DIP2B: variants seen among roughly 807,000 people sequenced by gnomAD.
The protein encoded by DIP2B is DIP2 acetate--CoA ligase B (putative).
Under a neutral mutation model 198.0 loss-of-function variants are expected in DIP2B, and 76 were observed. The observed-to-expected ratio is 0.38, with a 90% CI of 0.32 to 0.46. DIP2B has a LOEUF of 0.46. Ranked by LOEUF, DIP2B falls within the 20% of genes least tolerant of loss-of-function variation. The pLI, the probability that DIP2B is intolerant of heterozygous loss-of-function variation, is 0.99. For missense variants in DIP2B, 1,559 were observed against 1,978.4 expected, an observed-to-expected ratio of 0.79 and a Z score of 4.02; for synonymous variants, 701 against 739.1, an observed-to-expected ratio of 0.95 and a Z score of 0.84.
At chr12:50,552,088 A>G (rs1218147850) in intron 1 of DIP2B, among the ~76,000 whole-genome samples, 2 of 152,150 alleles carry the variant, frequency 1.3e-5, no homozygotes, top group Non-Finnish European at 2.9e-5. Context: ...GTTTTTTAAA[A>G]TAGATATCCT....
intron 1 of DIP2B, among the ~76,000 whole-genome samples, chr12:50,621,938 G>GGT (rs1937822755): frequency 6.6e-6 from 1 of 152,182 alleles, no homozygotes. Flanking sequence ...CAAAACCTGA[G>GGT]GTGGTTAGTA....
intron 1 of DIP2B, among the ~76,000 whole-genome samples, chr12:50,556,362 A>T (rs1430035275): frequency 6.6e-6 from 1 of 152,154 alleles, no homozygotes; most frequent in Non-Finnish European, 1.5e-5. Context: ...GGCGTAAGCC[A>T]TCGAGCCCGG....
rs1940243967 is a variant in DIP2B, at chr12:50,741,513, C to G, written c.4452C>G (p.Ser1484=). 1 of 1,613,912 alleles carries G rather than the reference C, an allele frequency of 6.2e-7. No individual in the cohort carries two copies. Among genetic ancestry groups the G allele is most frequent in the South Asian group, 1.1e-5 (1 of 91,066 alleles). ...YHPIDIETSV[S]RIHRSIAECA... ...CAATTGATATTGAGACCTCGGTGTC[C>G]CGGATCCACAGAAGCATTGCTGAAT... Residue 1484 remains serine (S), a synonymous_variant, in exon 37 of 38, where the codon TCC becomes TCG. Coordinates refer to ENST00000301180, the MANE Select transcript of DIP2B (RefSeq NM_173602.3).
chr12:50,614,649 C>CGTAT (rs796602852), intron 1 of DIP2B, among the ~76,000 whole-genome samples: 121 of 152,264 alleles, frequency 7.9e-4, no homozygotes, highest in African/African-American at 2.7e-3. Flanking sequence ...GGCCCAGAGA[C>CGTAT]GTATAGTGGC....
chr12:50,624,773 CCTT>C (rs1219515801), intron 1 of DIP2B, among the ~76,000 whole-genome samples: 1 of 152,194 alleles, frequency 6.6e-6, no homozygotes, highest in Non-Finnish European at 1.5e-5. Context: ...AACATCTACT[CCTT>C]CTGGCTTTTA....
At chr12:50,717,845 C>CCT (rs1282736188) in intron 23 of DIP2B, among the ~76,000 whole-genome samples, 1 of 151,766 alleles carries the variant, frequency 6.6e-6, no homozygotes, top group Non-Finnish European at 1.5e-5. Context: ...GCCTCGGCCT[C>CCT]CTAAAGTGCT....
chr12:50,562,900 C>G (rs1958531783), intron 1 of DIP2B, among the ~76,000 whole-genome samples: 1 of 151,950 alleles, frequency 6.6e-6, no homozygotes, highest in African/African-American at 2.4e-5. Flanking sequence ...TGTGTCAGTG[C>G]CAAAAGAATA....
At chr12:50,505,339 G>A (rs1159992790) in intron 1 of DIP2B, 99 bp downstream of exon 1, 3 of 959,102 alleles carry the variant, frequency 3.1e-6, no homozygotes, top group East Asian at 6.1e-5. Flanking sequence ...GTGCGGCGAG[G>A]GGGACGAGGG....
At chr12:50,679,142 G>A (rs1297719473) in intron 8 of DIP2B, 1 of 405,626 alleles carries the variant, frequency 2.5e-6, no homozygotes, top group Non-Finnish European at 4.4e-6. Flanking sequence ...ATTACAAGAG[G>A]ATTTTAGAAA....
At chr12:50,589,174 ACT>A (rs1371389478) in intron 1 of DIP2B, among the ~76,000 whole-genome samples, 1 of 151,616 alleles carries the variant, frequency 6.6e-6, no homozygotes, top group Non-Finnish European at 1.5e-5. Flanking sequence ...ACAGGGCAAG[ACT>A]CTGTCTCAAA....
chr12:50,695,462 T>A, intron 15 of DIP2B, 102 bp downstream of exon 15: 1 of 1,077,194 alleles, frequency 9.3e-7, no homozygotes, highest in Non-Finnish European at 1.4e-6. Context: ...CCCTGTCCCT[T>A]AACAAATTGT....
At chr12:50,680,318 G>A (rs948927065) in intron 8 of DIP2B, 19 of 151,282 alleles carry the variant, frequency 1.3e-4, no homozygotes, top group Middle Eastern at 3.1e-3. Flanking sequence ...TTTCAGTCTT[G>A]TAATTAAAAA....
chr12:50,580,566 C>T (rs1322676160), intron 1 of DIP2B, among the ~76,000 whole-genome samples: 1 of 123,944 alleles, frequency 8.1e-6, no homozygotes, highest in Non-Finnish European at 1.6e-5. Context: ...GACTGTGTCT[C>T]ACTCTGTTGC....
intron 1 of DIP2B, among the ~76,000 whole-genome samples, chr12:50,579,321 C>G (rs1266449261): frequency 6.6e-6 from 1 of 151,672 alleles, no homozygotes; most frequent in Non-Finnish European, 1.5e-5. Flanking sequence ...TTTTAGAAAA[C>G]CTGAATCTAG....
At chr12:50,730,719 A>T (rs1940027572) in intron 30 of DIP2B, among the ~76,000 whole-genome samples, 1 of 152,150 alleles carries the variant, frequency 6.6e-6, no homozygotes, top group Non-Finnish European at 1.5e-5. Flanking sequence ...TGATCGCTTC[A>T]AACATGCTGT....
intron 1 of DIP2B, among the ~76,000 whole-genome samples, chr12:50,512,835 G>A (rs1431810159): frequency 2.0e-5 from 3 of 152,164 alleles, no homozygotes; most frequent in South Asian, 2.1e-4. Flanking sequence ...GTGAAACCCC[G>A]TCTCTACTAA....
chr12:50,513,537 C>T (rs1958036910), intron 1 of DIP2B, among the ~76,000 whole-genome samples: 1 of 152,220 alleles, frequency 6.6e-6, no homozygotes, highest in South Asian at 2.1e-4. Flanking sequence ...TCATATCCCT[C>T]ACTTGTCCTC....
chr12:50,511,289 C>CTCTTTTTTTTTTTT (rs1316212138), intron 1 of DIP2B, among the ~76,000 whole-genome samples: 1 of 20,944 alleles, frequency 4.8e-5, no homozygotes, highest in Non-Finnish European at 1.1e-4. Context: ...AGTGTGATTT[C>CTCTTTTTTTTTTTT]TATTTTTTTT....
Position 50,528,778 on chromosome 12 carries a change from G to A in DIP2B, c.100+23538G>A, listed in dbSNP as rs117611841. On this transcript the variant is annotated intron_variant, in intron 1 of 37. Transcript: ENST00000301180. ...AGGCGACTGCAAAGACATGGCTGGA[G>A]GTTTAGCAAGAAATCTAGAGAAGGG... 7.9e-5 allele frequency among the ~76,000 whole-genome samples: 12 copies of A among 152,296 alleles called. No homozygotes were observed. In the East Asian group the frequency reaches 2.1e-3, roughly 27 times the overall value.
Sources: allele counts gnomAD v4.1 joint callset (sites outside exome capture counted in the v4.1 genomes callset), GRCh38; gene constraint gnomAD v4.1.1; transcripts MANE v1.5; gene names NCBI Gene and HGNC (gene_info 2026-07-23, HGNC 2026-07-21).